Variants in CEP41 observed in about 807,000 individuals in gnomAD.
CEP41 encodes centrosomal protein of 41 kDa.
Under a neutral mutation model 44.3 loss-of-function variants are expected in CEP41, and 32 were observed. That is an observed-to-expected ratio of 0.72 (90% CI 0.54 to 0.97). The LOEUF (loss-of-function observed/expected upper bound fraction) is 0.97, where lower values mean the gene tolerates loss of function less well. CEP41 is among the 50% of genes least tolerant of loss of function. The probability of loss-of-function intolerance (pLI) is 0.00; values close to 1 mark genes in which losing one functional copy is unlikely to be tolerated. For missense variants in CEP41, 432 were observed against 455.2 expected, an observed-to-expected ratio of 0.95 and a Z score of 0.46; for synonymous variants, 151 against 168.5, an observed-to-expected ratio of 0.90 and a Z score of 0.80.
chr7:130,416,083 A>T (rs1214122778), intron 3 of CEP41, among the ~76,000 whole-genome samples: 1 of 152,232 alleles, frequency 6.6e-6, no homozygotes, highest in Non-Finnish European at 1.5e-5. Context: ...TGTGTAAAAG[A>T]AGAAAATGTT....
chr7:130,403,820 A>G (rs1796926866), intron 6 of CEP41, among the ~76,000 whole-genome samples: 1 of 152,184 alleles, frequency 6.6e-6, no homozygotes, highest in Admixed American at 6.5e-5. Context: ...TCTTGAGTGC[A>G]ATTTTAGAGT....
chr7:130,397,151 C>A lies in CEP41; in HGVS notation c.*1740G>T. On this transcript the variant is annotated 3_prime_UTR_variant, in exon 11 of 11. Coordinates refer to ENST00000223208, the MANE Select transcript of CEP41 (RefSeq NM_018718.3). ...TCTATGCTGTAAAGAAAATACAAAG[C>A]CAGAGCATTTTGGCATTAGCAAAGG... is the stretch of plus-strand genomic sequence containing the variant. The A allele has an allele frequency of 2.2e-6, 1 of 454,448 alleles. No homozygotes were observed. The highest frequency in any genetic ancestry group is 4.4e-6 in the Non-Finnish European group (1 of 226,782). 28.2% of individuals were successfully genotyped at this position (454,448 alleles called of 1,614,324 possible).
Position 130,402,684 on chromosome 7 carries a change from C to A in CEP41, c.538G>T (p.Asp180Tyr). 6.2e-7 allele frequency: 1 copy of A among 1,614,142 alleles called. No individual in the cohort carries two copies. The highest frequency in any genetic ancestry group is 8.5e-7 in the Non-Finnish European group (1 of 1,180,010). ...DCPFLLLDVR[D>Y]RDSYQQCHIV... ...TGGCACTGCTGGTAAGAATCTCTAT[C>A]ACGCACATCTAGCAGCAGGAAGGGG... Residue 180 changes from aspartate to tyrosine, a missense_variant, in exon 7 of 11, where the codon GAT becomes TAT. Coordinates refer to ENST00000223208, the MANE Select transcript of CEP41 (RefSeq NM_018718.3).
At chr7:130,428,105 A>T (rs1797717383) in intron 1 of CEP41, 87 bp from the exon 2 acceptor site, 4 of 916,616 alleles carry the variant, frequency 4.4e-6, no homozygotes, top group Non-Finnish European at 7.1e-6. Context: ...TTAAAAATGG[A>T]AAAAAAGTGC....
chr7:130,417,072 T>C (rs1797360044), intron 2 of CEP41, 106 bp from the exon 3 acceptor site: 1 of 1,355,798 alleles, frequency 7.4e-7, no homozygotes, highest in Non-Finnish European at 1.0e-6. Flanking sequence ...TCCTATCCTG[T>C]TCTTAGGGGA....
At position 130,409,048 on chromosome 7, in the gene CEP41, A is replaced by G. The variant is rs573973829; in HGVS notation, c.277+2074T>C. Among the ~76,000 whole-genome samples the G allele has an allele frequency of 1.2e-3, 180 of 152,344 alleles. 1 individual carries two copies. The highest frequency in any genetic ancestry group is 4.2e-3 in the African/African-American group (174 of 41,586). ...GCGGACCAAAACATAGACAGTGATT[A>G]TTAGTTATTTTTCTTCTTTATATAC... is the stretch of plus-strand genomic sequence containing the variant. On this transcript the variant is annotated intron_variant, in intron 5 of 10. Transcript: ENST00000223208.
At position 130,427,951 on chromosome 7, in the gene CEP41, T is replaced by A. The variant is rs1797712906; in HGVS notation, c.97+4A>T. On this transcript the variant is annotated splice_donor_region_variant and intron_variant, in intron 2 of 10. Coordinates refer to ENST00000223208, the MANE Select transcript of CEP41 (RefSeq NM_018718.3). The stretch of plus-strand genomic sequence containing the variant: ...TTAATTCTAATTTTCTAATCTTTAC[T>A]CACCAGTGTCCAGTCTTGATTTGAT... 1 of 1,589,038 alleles carries A rather than the reference T, an allele frequency of 6.3e-7. No individual in the cohort carries two copies. Among genetic ancestry groups the A allele is most frequent in the Non-Finnish European group, 8.6e-7 (1 of 1,157,364 alleles).
chr7:130,415,781 C>T (rs1554420756), intron 3 of CEP41, among the ~76,000 whole-genome samples: 1 of 151,940 alleles, frequency 6.6e-6, no homozygotes, highest in African/African-American at 2.4e-5. Flanking sequence ...TCAAGGATGG[C>T]AACAATGAAG....
intron 2 of CEP41, among the ~76,000 whole-genome samples, chr7:130,427,168 G>C (rs1267191755): frequency 6.6e-6 from 1 of 152,120 alleles, no homozygotes; most frequent in Non-Finnish European, 1.5e-5. Flanking sequence ...ATTGTCTTGA[G>C]GTTACTAGTG....
chr7:130,430,561 AAAG>A (rs1474097039), intron 1 of CEP41, among the ~76,000 whole-genome samples: 9 of 152,342 alleles, frequency 5.9e-5, no homozygotes, highest in African/African-American at 2.2e-4. Flanking sequence ...TTCTTTAGTA[AAAG>A]AAGGAAAACA....
chr7:130,412,020 C>A, intron 4 of CEP41, 159 bp downstream of exon 4: 2 of 676,440 alleles, frequency 3.0e-6, no homozygotes, highest in Non-Finnish European at 5.4e-6. Flanking sequence ...TTCATGTGAA[C>A]ACACACACCA....
At chr7:130,409,252 A>C (rs1276669187) in intron 5 of CEP41, among the ~76,000 whole-genome samples, 2 of 152,208 alleles carry the variant, frequency 1.3e-5, no homozygotes, top group East Asian at 3.8e-4. Flanking sequence ...GAAAAACACT[A>C]ATATTACTCA....
At chr7:130,415,813 T>C (rs562215577) in intron 3 of CEP41, among the ~76,000 whole-genome samples, 1 of 152,334 alleles carries the variant, frequency 6.6e-6, no homozygotes, top group South Asian at 2.1e-4. Context: ...AAATGCGATC[T>C]TTCTCCAGAG....
intron 5 of CEP41, among the ~76,000 whole-genome samples, chr7:130,405,800 TAAG>T (rs529648957): frequency 6.3e-4 from 96 of 152,318 alleles, no homozygotes; most frequent in African/African-American, 2.2e-3. Context: ...AGCTAATCCT[TAAG>T]AAACTAGCAG....
At chr7:130,430,348 T>TA in intron 1 of CEP41, among the ~76,000 whole-genome samples, 1 of 152,308 alleles carries the variant, frequency 6.6e-6, no homozygotes, top group Non-Finnish European at 1.5e-5. Flanking sequence ...CATGACATTG[T>TA]GATTTTCACT....
chr7:130,440,782 G>GGCCC, intron 1 of CEP41, 152 bp downstream of exon 1: 64 of 531,074 alleles, frequency 1.2e-4, no homozygotes, highest in South Asian at 5.3e-4. Flanking sequence ...CCCAAGCCCG[G>GGCCC]CCCGCCCCGC....
chr7:130,441,207 C>A, upstream of CEP41: 1 of 633,740 alleles, frequency 1.6e-6, no homozygotes, highest in South Asian at 1.5e-5. Context: ...GCCTTTTGTT[C>A]TCTGGGCTGG....
chr7:130,421,884 G>A (rs1256796426), intron 2 of CEP41: 2 of 1,515,944 alleles, frequency 1.3e-6, no homozygotes, highest in African/African-American at 2.8e-5. Context: ...GAGGGTGCTT[G>A]AGAATATACA....
intron 1 of CEP41, among the ~76,000 whole-genome samples, chr7:130,435,993 A>C (rs1797949602): frequency 6.6e-6 from 1 of 152,130 alleles, no homozygotes; most frequent in South Asian, 2.1e-4. Flanking sequence ...TCTCTACTAA[A>C]AATACAAAAA....
Sources: gnomAD v4.1 joint callset for allele counts (sites outside exome capture counted in the v4.1 genomes callset) on GRCh38, gnomAD v4.1.1 for gene constraint, MANE v1.5 for transcripts, NCBI Gene and HGNC (gene_info 2026-07-23, HGNC 2026-07-21) for gene names.